The following OR1J2 variants were observed in gnomAD, a reference collection of about 807,000 sequenced individuals.
The protein encoded by OR1J2 is olfactory receptor family 1 subfamily J member 2.
For missense variants in OR1J2, 304 were observed against 246.1 expected, an observed-to-expected ratio of 1.24 and a Z score of -1.57; for synonymous variants, 142 against 99.7, an observed-to-expected ratio of 1.42 and a Z score of -2.52.
the OR1J2 span, among the ~76,000 whole-genome samples, chr9:122,470,469 G>C: frequency 6.6e-6 from 1 of 152,352 alleles, no homozygotes; most frequent in African/African-American, 2.4e-5. Flanking sequence ...TTTGCTGCAG[G>C]GGTGGGGCTC....
At chr9:122,470,981 C>T in the OR1J2 span, among the ~76,000 whole-genome samples, 1 of 152,346 alleles carries the variant, frequency 6.6e-6, no homozygotes. Flanking sequence ...TTTGATTTTA[C>T]AGGCTCATAG....
the OR1J2 span, among the ~76,000 whole-genome samples, chr9:122,560,608 A>T: frequency 6.6e-6 from 1 of 152,142 alleles, no homozygotes; most frequent in Non-Finnish European, 1.5e-5. Flanking sequence ...CTGGATATGA[A>T]ATTCTGCGTT....
At chr9:122,564,609 A>G in the OR1J2 span, among the ~76,000 whole-genome samples, 1 of 152,238 alleles carries the variant, frequency 6.6e-6, no homozygotes, top group East Asian at 1.9e-4. Context: ...AGATAGATGG[A>G]TCCTGGAGAA....
the OR1J2 span, chr9:122,449,018 A>C: frequency 2.0e-5 from 3 of 151,702 alleles, no homozygotes; most frequent in African/African-American, 7.3e-5. Context: ...AAAAAAAAAA[A>C]GTAGGGTAAG....
At chr9:122,466,413 T>G in the OR1J2 span, among the ~76,000 whole-genome samples, 1 of 152,234 alleles carries the variant, frequency 6.6e-6, no homozygotes, top group Non-Finnish European at 1.5e-5. Context: ...AAGTAGGCTG[T>G]AATTCTAAGT....
At chr9:122,571,547 CAAAAAA>C in the OR1J2 span, among the ~76,000 whole-genome samples, 10 of 126,844 alleles carry the variant, frequency 7.9e-5, no homozygotes, top group African/African-American at 2.1e-4. Context: ...CAGACTGTCT[CAAAAAA>C]AAAAAAAAAA....
chr9:122,483,343 CAATT>C, the OR1J2 span, among the ~76,000 whole-genome samples: 10 of 152,020 alleles, frequency 6.6e-5, no homozygotes, highest in South Asian at 1.2e-3. Flanking sequence ...AGAACTGAAA[CAATT>C]AATTGTTCAA....
the OR1J2 span, among the ~76,000 whole-genome samples, chr9:122,467,164 A>G: frequency 6.6e-6 from 1 of 152,092 alleles, no homozygotes; most frequent in East Asian, 1.9e-4. Flanking sequence ...TGCCACAGCA[A>G]TATTTTTCAT....
At chr9:122,535,641 T>TCTGAGGAC in the OR1J2 span, among the ~76,000 whole-genome samples, 3 of 152,068 alleles carry the variant, frequency 2.0e-5, no homozygotes, top group East Asian at 5.8e-4. Flanking sequence ...GGCTGCTGGG[T>TCTGAGGAC]CTGAGGACCT....
chr9:122,527,129 G>T, the OR1J2 span: 5 of 1,614,210 alleles, frequency 3.1e-6, no homozygotes, highest in Non-Finnish European at 4.2e-6. Context: ...AGTACATGGG[G>T]GTGTGGAGGT....
the OR1J2 span, chr9:122,477,932 T>C: frequency 1.3e-6 from 2 of 1,577,464 alleles, no homozygotes; most frequent in African/African-American, 1.4e-5. Context: ...CTCATGTTTA[T>C]ATCAGCTGGA....
the OR1J2 span, among the ~76,000 whole-genome samples, chr9:122,529,794 T>A: frequency 3.9e-5 from 6 of 152,180 alleles, no homozygotes; most frequent in African/African-American, 1.2e-4. Flanking sequence ...GTCTACTGTG[T>A]CAGCCAACAG....
At chr9:122,485,616 A>G in the OR1J2 span, among the ~76,000 whole-genome samples, 1 of 152,238 alleles carries the variant, frequency 6.6e-6, no homozygotes, top group Non-Finnish European at 1.5e-5. Context: ...GTTTCCAACT[A>G]GAGATTAGGT....
At chr9:122,522,911 G>A in the OR1J2 span, among the ~76,000 whole-genome samples, 1 of 152,174 alleles carries the variant, frequency 6.6e-6, no homozygotes, top group South Asian at 2.1e-4. Context: ...ATTTTGCATG[G>A]CTACTGTGTG....
the OR1J2 span, chr9:122,477,922 C>T: frequency 6.3e-7 from 1 of 1,587,962 alleles, no homozygotes; most frequent in South Asian, 1.1e-5. Context: ...GTTCTCAGGG[C>T]TCATGTTTAT....
At chr9:122,511,827 T>TTA, downstream of OR1J2, 1 of 724,350 alleles carries the variant, frequency 1.4e-6, no homozygotes. Flanking sequence ...TCAAAACATG[T>TTA]TATGTCCTGA....
the OR1J2 span, among the ~76,000 whole-genome samples, chr9:122,473,875 G>A: frequency 6.6e-6 from 1 of 152,202 alleles, no homozygotes; most frequent in African/African-American, 2.4e-5. Context: ...TTCACTGCAA[G>A]TATACAATAG....
chr9:122,574,927 A>G, the OR1J2 span, among the ~76,000 whole-genome samples: 5 of 152,028 alleles, frequency 3.3e-5, no homozygotes, highest in African/African-American at 7.2e-5. Context: ...GAGTTTGTCA[A>G]ATGATTTTTC....
the OR1J2 span, among the ~76,000 whole-genome samples, chr9:122,453,246 C>T: frequency 6.6e-6 from 1 of 152,144 alleles, no homozygotes; most frequent in Non-Finnish European, 1.5e-5. Flanking sequence ...ATTACCCAGT[C>T]TCAGGTATTC....
Sources: gnomAD v4.1 joint callset for allele counts (sites outside exome capture counted in the v4.1 genomes callset) on GRCh38, gnomAD v4.1.1 for gene constraint, MANE v1.5 for transcripts, NCBI Gene and HGNC (gene_info 2026-07-23, HGNC 2026-07-21) for gene names.